CERT1: variants seen among roughly 807,000 people sequenced by gnomAD.
CERT1 encodes the protein ceramide transporter 1.
In CERT1, 31 loss-of-function variants were observed where a neutral mutation model predicts 87.9. That is an observed-to-expected ratio of 0.35 (90% CI 0.27 to 0.48). The LOEUF is 0.48. Among genes scored for constraint, CERT1 ranks in the 20% least tolerant of loss-of-function variants. The pLI is 0.99. For missense variants in CERT1, 487 were observed against 758.0 expected, an observed-to-expected ratio of 0.64 and a Z score of 4.20; for synonymous variants, 289 against 250.9, an observed-to-expected ratio of 1.15 and a Z score of -1.44.
intron 2 of CERT1, among the ~76,000 whole-genome samples, chr5:75,494,943 C>G (rs1050095903): frequency 6.6e-6 from 1 of 152,184 alleles, no homozygotes; most frequent in Non-Finnish European, 1.5e-5. Flanking sequence ...TGAAGTCTTT[C>G]ACAACAGGAG....
chr5:75,416,728 A>G, intron 7 of CERT1, 148 bp downstream of exon 7: 2 of 553,998 alleles, frequency 3.6e-6, no homozygotes, highest in Non-Finnish European at 6.2e-6. Flanking sequence ...TGAGTTTAGG[A>G]TGCCCATAAA....
At chr5:75,471,906 T>G (rs76998002) in intron 2 of CERT1, among the ~76,000 whole-genome samples, 1 of 151,918 alleles carries the variant, frequency 6.6e-6, no homozygotes, top group African/African-American at 2.4e-5. Flanking sequence ...ACATTTTTCA[T>G]AAAAACAGAA....
At chr5:75,438,441 G>A (rs1319427932) in intron 3 of CERT1, among the ~76,000 whole-genome samples, 1 of 152,088 alleles carries the variant, frequency 6.6e-6, no homozygotes, top group Non-Finnish European at 1.5e-5. Context: ...ATTACTCAGT[G>A]GTCATAACTG....
chr5:75,456,301 C>T (rs1764979409), intron 3 of CERT1, among the ~76,000 whole-genome samples: 2 of 152,076 alleles, frequency 1.3e-5, no homozygotes, highest in African/African-American at 4.8e-5. Flanking sequence ...ACATATTTTA[C>T]TTTAGTACAT....
chr5:75,447,438 T>A (rs55915017), intron 3 of CERT1, among the ~76,000 whole-genome samples: 28 of 138,552 alleles, frequency 2.0e-4, no homozygotes, highest in East Asian at 1.0e-3. Flanking sequence ...CTTCCTTTTT[T>A]AAAAAAAATT....
At chr5:75,503,643 T>C (rs1302342101) in intron 2 of CERT1, among the ~76,000 whole-genome samples, 1 of 151,944 alleles carries the variant, frequency 6.6e-6, no homozygotes, top group Non-Finnish European at 1.5e-5. Flanking sequence ...CAGATTTTGT[T>C]GCCTAATTCA....
intron 2 of CERT1, among the ~76,000 whole-genome samples, chr5:75,503,915 A>AATTAAACATTT (rs1767527833): frequency 6.6e-6 from 1 of 150,380 alleles, no homozygotes; most frequent in Admixed American, 6.6e-5. Context: ...TGTTTAATTT[A>AATTAAACATTT]AAATTTTCTT....
chr5:75,480,679 T>C (rs1350773515), intron 2 of CERT1, among the ~76,000 whole-genome samples: 1 of 152,186 alleles, frequency 6.6e-6, no homozygotes, highest in African/African-American at 2.4e-5. Flanking sequence ...AATCCAAAAT[T>C]GATCATCTGA....
chr5:75,399,601 A>G (rs527271145), intron 10 of CERT1, among the ~76,000 whole-genome samples: 18 of 152,336 alleles, frequency 1.2e-4, no homozygotes, highest in African/African-American at 4.1e-4. Context: ...ATACAAAGTA[A>G]TACCATTTAA....
chr5:75,438,138 C>T (rs936430932), intron 3 of CERT1, among the ~76,000 whole-genome samples: 3 of 151,958 alleles, frequency 2.0e-5, no homozygotes. Flanking sequence ...AGCTTAAATT[C>T]TTAAATTGAT....
In CERT1 at chr5:75,411,066, T is replaced by G; in HGVS notation, c.875A>C (p.Lys292Thr). ...EKKRRTEEAY[K>T]NAMTELKKKS... ...TTTCTTAAGTTCTGTCATTGCATTT[T>G]TATATGCTTCCTCTGTTCTTCTTTT... The change falls in exon 8 of 17, where the codon AAA becomes ACA. Residue 292 changes from lysine (K) to threonine (T), a missense_variant. Transcript: ENST00000643780. 1 of 1,595,922 alleles carries G rather than the reference T, an allele frequency of 6.3e-7. No individual in the cohort carries two copies. The highest frequency in any genetic ancestry group is 8.6e-7 in the Non-Finnish European group (1 of 1,169,388).
At chr5:75,490,078 C>G (rs1766709650) in intron 2 of CERT1, among the ~76,000 whole-genome samples, 1 of 152,166 alleles carries the variant, frequency 6.6e-6, no homozygotes. Context: ...CCATCATTCT[C>G]AGCAAACTAA....
At chr5:75,375,618 TAAA>T (rs1761267279), downstream of CERT1, 1 of 136,656 alleles carries the variant, frequency 7.3e-6, no homozygotes, top group Non-Finnish European at 1.6e-5. Flanking sequence ...AATAAATAAA[TAAA>T]TAAATAAATA....
chr5:75,403,373 C>A (rs576611449), intron 8 of CERT1, among the ~76,000 whole-genome samples: 7 of 152,296 alleles, frequency 4.6e-5, no homozygotes, highest in Middle Eastern at 3.4e-3. Flanking sequence ...TTTTGTACAG[C>A]CTGTGAGCTA....
chr5:75,450,861 T>C (rs1764742449), intron 3 of CERT1, among the ~76,000 whole-genome samples: 1 of 152,214 alleles, frequency 6.6e-6, no homozygotes, highest in African/African-American at 2.4e-5. Context: ...ATTGTTGATG[T>C]TTTATGTTTC....
At chr5:75,443,129 A>G (rs1764393362) in intron 3 of CERT1, among the ~76,000 whole-genome samples, 1 of 152,140 alleles carries the variant, frequency 6.6e-6, no homozygotes, top group Non-Finnish European at 1.5e-5. Flanking sequence ...ATCTAGCTAA[A>G]GGTTTGTCAA....
At chr5:75,390,400 T>C (rs1218454457) in intron 11 of CERT1, among the ~76,000 whole-genome samples, 1 of 152,188 alleles carries the variant, frequency 6.6e-6, no homozygotes, top group African/African-American at 2.4e-5. Flanking sequence ...AGCATTTACA[T>C]ATAATCACCT....
chr5:75,511,228 G>A lies in CERT1; in HGVS notation c.-21C>T, dbSNP rs1428868993. 6.2e-7 allele frequency: 1 copy of A among 1,611,632 alleles called. No homozygotes were observed. The highest frequency in any genetic ancestry group is 1.1e-5 in the South Asian group (1 of 90,922). ...GACATGGAGGCTCGACAACCGAGCA[G>A]GAGACCGGCCCCCGCTCCCTCAGCT... On this transcript the variant is annotated 5_prime_UTR_variant, in exon 1 of 17. Transcript: ENST00000643780.
intron 3 of CERT1, among the ~76,000 whole-genome samples, chr5:75,455,197 C>T (rs954446373): frequency 1.3e-5 from 2 of 152,210 alleles, no homozygotes; most frequent in African/African-American, 4.8e-5. Flanking sequence ...CATTGCACAA[C>T]CAATGTTTCA....
Sources: gnomAD v4.1 joint callset for allele counts (sites outside exome capture counted in the v4.1 genomes callset) on GRCh38, gnomAD v4.1.1 for gene constraint, MANE v1.5 for transcripts, NCBI Gene and HGNC (gene_info 2026-07-23, HGNC 2026-07-21) for gene names.